The following COL21A1 variants were observed in gnomAD, a reference collection of about 807,000 sequenced individuals.
The protein encoded by COL21A1 is collagen type XXI alpha 1 chain.
COL21A1 carries 149 observed loss-of-function variants against 137.9 expected under a neutral mutation model. The observed-to-expected ratio is 1.08, with a 90% CI of 0.95 to 1.24. The LOEUF is 1.24. Among genes scored for constraint, COL21A1 ranks in the 50% most tolerant of loss-of-function variants. The pLI, the probability that COL21A1 is intolerant of heterozygous loss-of-function variation, is 0.00. For missense variants in COL21A1, 1,167 were observed against 1,158.4 expected, an observed-to-expected ratio of 1.01 and a Z score of -0.11; for synonymous variants, 456 against 391.5, an observed-to-expected ratio of 1.16 and a Z score of -1.95.
intron 1 of COL21A1, among the ~76,000 whole-genome samples, chr6:56,278,588 A>G (rs1763723452): frequency 6.6e-6 from 1 of 152,222 alleles, no homozygotes; most frequent in African/African-American, 2.4e-5. Context: ...TTTATAAAAT[A>G]AGCATATTTG....
chr6:56,272,021 G>T (rs1763539234), intron 1 of COL21A1, among the ~76,000 whole-genome samples: 1 of 152,232 alleles, frequency 6.6e-6, no homozygotes, highest in Admixed American at 6.5e-5. Context: ...CTAGGGCAGT[G>T]CAGAAGGGAA....
intron 1 of COL21A1, among the ~76,000 whole-genome samples, chr6:56,295,810 G>A (rs1306137001): frequency 1.3e-5 from 2 of 151,830 alleles, no homozygotes; most frequent in Non-Finnish European, 2.9e-5. Context: ...TATGAGTAAG[G>A]TTGCTTATTA....
chr6:56,293,639 C>G (rs374885548), intron 1 of COL21A1, among the ~76,000 whole-genome samples: 4 of 152,210 alleles, frequency 2.6e-5, no homozygotes, highest in South Asian at 4.1e-4. Flanking sequence ...TTCTAACTTT[C>G]ACATTTCCTT....
intron 12 of COL21A1, among the ~76,000 whole-genome samples, chr6:56,141,361 T>A (rs1417382965): frequency 6.6e-6 from 1 of 152,184 alleles, no homozygotes; most frequent in Non-Finnish European, 1.5e-5. Context: ...TACCATATCA[T>A]CTCACTTATA....
intron 1 of COL21A1, among the ~76,000 whole-genome samples, chr6:56,255,881 C>T (rs1782957914): frequency 6.6e-6 from 1 of 152,056 alleles, no homozygotes; most frequent in Admixed American, 6.6e-5. Flanking sequence ...GAGGAGGGGA[C>T]GGCACAGGAT....
intron 9 of COL21A1, among the ~76,000 whole-genome samples, chr6:56,162,299 A>C (rs1448020639): frequency 6.6e-6 from 1 of 152,198 alleles, no homozygotes; most frequent in African/African-American, 2.4e-5. Flanking sequence ...TGGAAAGCAG[A>C]TCAAAAAGGC....
At chr6:56,090,950 A>G (rs898938184) in intron 17 of COL21A1, among the ~76,000 whole-genome samples, 1 of 152,186 alleles carries the variant, frequency 6.6e-6, no homozygotes, top group African/African-American at 2.4e-5. Flanking sequence ...ACAAATCTGT[A>G]CAAAAGACTG....
At chr6:56,316,235 T>C (rs1764730999) in intron 1 of COL21A1, among the ~76,000 whole-genome samples, 1 of 152,166 alleles carries the variant, frequency 6.6e-6, no homozygotes, top group South Asian at 2.1e-4. Context: ...AATTAAAATC[T>C]ACTCTCTTGG....
At chr6:56,094,092 C>T (rs2114219133) in intron 17 of COL21A1, among the ~76,000 whole-genome samples, 1 of 152,188 alleles carries the variant, frequency 6.6e-6, no homozygotes, top group South Asian at 2.1e-4. Flanking sequence ...CTCCTTTTTG[C>T]TTAACAGTTC....
At chr6:56,077,655 T>C in intron 17 of COL21A1, 82 bp from the exon 18 acceptor site, 1 of 754,260 alleles carries the variant, frequency 1.3e-6, no homozygotes. Flanking sequence ...CAATTGGAAT[T>C]TTAACTGGTA....
In COL21A1 at chr6:56,056,962, T is replaced by C. The variant is rs549207118; in HGVS notation, c.*695A>G. On this transcript the variant is annotated 3_prime_UTR_variant, in exon 30 of 30. Coordinates refer to ENST00000244728, the MANE Select transcript of COL21A1 (RefSeq NM_030820.4). Reference sequence around the variant, plus strand: ...ACTTACATTTTCTTTGAATGTACAATGAAACTTTTTGTCTAAAATGTTTTT... The same window carrying C: ...ACTTACATTTTCTTTGAATGTACAACGAAACTTTTTGTCTAAAATGTTTTT... 7 of 152,308 alleles carry C rather than the reference T, an allele frequency of 4.6e-5. No individual in the cohort carries two copies. Among genetic ancestry groups the C allele is most frequent in the Non-Finnish European group, 8.8e-5 (6 of 68,006 alleles). The allele number at this position is 152,308 out of a possible 1,614,324, so 9.4% of individuals were successfully genotyped here.
Position 56,225,621 on chromosome 6 carries a change from A to G in COL21A1, c.-39+21766T>C, listed in dbSNP as rs190483234. 3.5e-3 allele frequency among the ~76,000 whole-genome samples: 537 copies of G among 152,206 alleles called. 5 individuals are homozygous for G. The highest frequency in any genetic ancestry group is 0.012 in the African/African-American group (510 of 41,558). The stretch of plus-strand genomic sequence containing the variant: ...TCAGGTACTCAATGAAAAATAATCT[A>G]CATCAGAAAATAATCTGATGAGAAC... On this transcript the variant is annotated intron_variant, in intron 1 of 29. Coordinates refer to ENST00000244728, the MANE Select transcript of COL21A1 (RefSeq NM_030820.4).
chr6:56,204,092 T>C (rs1779587293), intron 1 of COL21A1, among the ~76,000 whole-genome samples: 1 of 152,032 alleles, frequency 6.6e-6, no homozygotes, highest in Non-Finnish European at 1.5e-5. Context: ...TTGTTTTTGT[T>C]TTTTTAATAC....
Position 56,060,024 on chromosome 6 carries a change from A to G in COL21A1, c.2602T>C (p.Leu868=). The G allele has an allele frequency of 6.3e-7, 1 of 1,595,096 alleles. No individual in the cohort carries two copies. Among genetic ancestry groups the G allele is most frequent in the Non-Finnish European group, 8.5e-7 (1 of 1,174,360 alleles). The change falls in exon 28 of 30, where the codon TTA becomes CTA. Residue 868 remains leucine, a synonymous_variant. Transcript: ENST00000244728. Reference sequence around the variant, plus strand: ...GTTGAAACTAACTGCATACCTTTTAATCCTCTGACACCTGGACGTCCAGGG... The same window carrying G: ...GTTGAAACTAACTGCATACCTTTTAGTCCTCTGACACCTGGACGTCCAGGG... ...GVPGRPGVRG[L]KGLPGRNGEK...
chr6:56,096,997 C>A (rs545916435), intron 17 of COL21A1, among the ~76,000 whole-genome samples: 11 of 151,524 alleles, frequency 7.3e-5, no homozygotes, highest in African/African-American at 2.7e-4. Context: ...TAATAAAAAC[C>A]AAGTTTTCAT....
rs186125271 is a variant in COL21A1, at chr6:56,254,787, G to A, written c.-38-72131C>T. Among the ~76,000 whole-genome samples, 830 of 152,240 alleles carry A rather than the reference G, an allele frequency of 5.5e-3. 3 individuals carry two copies. Among genetic ancestry groups the A allele is most frequent in the Non-Finnish European group, 7.4e-3 (504 of 68,006 alleles). On this transcript the variant is annotated intron_variant, in intron 1 of 28. Transcript: ENST00000370819. ...GCAGTCCTCGATTTCTTCAAGTGCT[G>A]CAAAGGTCTCTGGGTAATTTTTCAT...
At chr6:56,262,029 G>A (rs190007242) in intron 1 of COL21A1, among the ~76,000 whole-genome samples, 18 of 152,302 alleles carry the variant, frequency 1.2e-4, no homozygotes, top group Admixed American at 3.3e-4. Context: ...TACTGTCTCT[G>A]CAAAACTCAT....
At chr6:56,062,112 G>T (rs1765848910) in intron 24 of COL21A1, among the ~76,000 whole-genome samples, 1 of 152,052 alleles carries the variant, frequency 6.6e-6, no homozygotes, top group African/African-American at 2.4e-5. Flanking sequence ...AATTTTGATT[G>T]GTTGCTATTG....
intron 1 of COL21A1, among the ~76,000 whole-genome samples, chr6:56,359,304 C>T (rs905227728): frequency 2.0e-5 from 3 of 152,174 alleles, no homozygotes; most frequent in Non-Finnish European, 2.9e-5. Context: ...CACTGGGCCC[C>T]GTGGGCTCTG....
Sources: allele counts gnomAD v4.1 joint callset (sites outside exome capture counted in the v4.1 genomes callset), GRCh38; gene constraint gnomAD v4.1.1; transcripts MANE v1.5; gene names NCBI Gene and HGNC (gene_info 2026-07-23, HGNC 2026-07-21).